The following GLTP variants were observed in gnomAD, a reference collection of about 807,000 sequenced individuals.
GLTP encodes glycolipid transfer protein.
A neutral mutation model predicts 24.0 loss-of-function variants in GLTP; 22 were observed. The observed-to-expected ratio is 0.92, with a 90% CI of 0.65 to 1.31. GLTP has a LOEUF of 1.31. Among genes scored for constraint, GLTP ranks in the 50% most tolerant of loss-of-function variants. GLTP has a pLI of 0.00. For synonymous variants in GLTP, 92 were observed against 115.9 expected, an observed-to-expected ratio of 0.79 and a Z score of 1.33; for missense variants, 224 against 276.6, an observed-to-expected ratio of 0.81 and a Z score of 1.35.
intron 1 of GLTP, among the ~76,000 whole-genome samples, 186 bp from the exon 2 acceptor site, chr12:109,858,927 T>C (rs1163167844): frequency 6.6e-6 from 1 of 152,248 alleles, no homozygotes; most frequent in East Asian, 1.9e-4. Context: ...CTCAGCTTCC[T>C]GTTTCCTATC....
At chr12:109,869,558 C>T (rs937615868) in intron 1 of GLTP, among the ~76,000 whole-genome samples, 3 of 147,008 alleles carry the variant, frequency 2.0e-5, no homozygotes, top group Non-Finnish European at 3.0e-5. Context: ...CAGGTTCAAG[C>T]GATTCCCCAG....
At chr12:109,878,388 T>G (rs935552955) in intron 1 of GLTP, among the ~76,000 whole-genome samples, 1 of 152,196 alleles carries the variant, frequency 6.6e-6, no homozygotes, top group Non-Finnish European at 1.5e-5. Context: ...TGTAGGATAC[T>G]GAGCAGCTCC....
rs765413912 is a variant in GLTP at position 109,851,229 on chromosome 12, C to T, written c.*1326G>A. 2.0e-5 allele frequency: 3 copies of T among 152,554 alleles called. No homozygotes were observed. The highest frequency in any genetic ancestry group is 4.8e-5 in the African/African-American group (2 of 41,432). 9.5% of individuals were successfully genotyped at this position (152,554 alleles called of 1,614,324 possible). On this transcript the variant is annotated 3_prime_UTR_variant, in exon 5 of 5. Coordinates refer to ENST00000318348, the MANE Select transcript of GLTP (RefSeq NM_016433.4). ...GTTTCTTAGGTTGGAAAATCTGTCCCTGAAGGAAATAATTCTGCAGAAGAA... is the reference window on the plus strand; with the variant it reads ...GTTTCTTAGGTTGGAAAATCTGTCCTTGAAGGAAATAATTCTGCAGAAGAA...
intron 4 of GLTP, among the ~76,000 whole-genome samples, chr12:109,854,072 G>A (rs1892762092): frequency 6.8e-6 from 1 of 147,888 alleles, no homozygotes; most frequent in Non-Finnish European, 1.5e-5. Context: ...AATAAAAGCA[G>A]TAATAGCTAG....
chr12:109,859,604 ATT>A lies in GLTP; in HGVS notation c.104-865_104-864del, dbSNP rs34889804. Among the ~76,000 whole-genome samples the A allele has an allele frequency of 2.7e-3, 404 of 150,674 alleles. 1 individual carries two copies. Among genetic ancestry groups the A allele is most frequent in the Non-Finnish European group, 4.3e-3 (290 of 67,352 alleles). On this transcript the variant is annotated intron_variant, in intron 1 of 4. Transcript: ENST00000318348. ...AATGTGTCTGTTTTTAACAAAAAAG[ATT>A]TTTTTTAAAAAAAAGTACTTAACTT...
In GLTP at chr12:109,857,602, G is replaced by A; in HGVS notation, c.220C>T (p.Leu74=). ...PAKFRTLQNI[L]EVEKEMYGAE... is the part of the protein sequence containing the mutation. Reference sequence around the variant, plus strand: ...CCATACATTTCTTTCTCCACCTCCAGGATGTTCTGCAGGGTCCGGAACTTG... The same window carrying A: ...CCATACATTTCTTTCTCCACCTCCAAGATGTTCTGCAGGGTCCGGAACTTG... Residue 74 remains leucine (L), a synonymous_variant, in exon 3 of 5, where the codon CTG becomes TTG. Transcript: ENST00000318348. This position sits in a 1 kb window ranked among gnomAD's most constrained non-coding sequence, Gnocchi z 4.3. 3 of 1,613,986 alleles carry A rather than the reference G, an allele frequency of 1.9e-6. No homozygotes were observed. The highest frequency in any genetic ancestry group is 2.5e-6 in the Non-Finnish European group (3 of 1,179,864).
At chr12:109,868,117 G>T (rs542234933) in intron 1 of GLTP, among the ~76,000 whole-genome samples, 1 of 152,238 alleles carries the variant, frequency 6.6e-6, no homozygotes, top group African/African-American at 2.4e-5. Context: ...TGATCCTCCA[G>T]CCTCAGTCTC....
At chr12:109,853,716 G>C (rs1892757448) in intron 4 of GLTP, among the ~76,000 whole-genome samples, 2 of 150,984 alleles carry the variant, frequency 1.3e-5, no homozygotes, top group Admixed American at 1.3e-4. Flanking sequence ...TAGGCCATGA[G>C]TTTGATAGGA....
intron 1 of GLTP, among the ~76,000 whole-genome samples, chr12:109,867,205 G>C (rs1045962371): frequency 1.3e-5 from 2 of 151,884 alleles, no homozygotes; most frequent in African/African-American, 4.8e-5. Context: ...CCGGAGTGCA[G>C]TGGAGCAATC....
chr12:109,867,933 A>T (rs1416037813), intron 1 of GLTP, among the ~76,000 whole-genome samples: 1 of 147,542 alleles, frequency 6.8e-6, no homozygotes, highest in Non-Finnish European at 1.5e-5. Context: ...GCCCGCCACC[A>T]CGCCTGGCTA....
intron 1 of GLTP, among the ~76,000 whole-genome samples, chr12:109,864,527 G>A (rs1027238745): frequency 4.6e-5 from 7 of 152,186 alleles, no homozygotes; most frequent in Non-Finnish European, 8.8e-5. Flanking sequence ...TTGGGCTGAA[G>A]CCTGTTTCAA....
chr12:109,872,041 G>T (rs1295865165), intron 1 of GLTP, among the ~76,000 whole-genome samples: 1 of 152,222 alleles, frequency 6.6e-6, no homozygotes, highest in Non-Finnish European at 1.5e-5. Flanking sequence ...TGACCTCAAG[G>T]GCCAGATTTT....
At position 109,880,435 on chromosome 12, in the gene GLTP, C is replaced by G. The variant is rs552094505; in HGVS notation, c.-61G>C. 22 of 702,946 alleles carry G rather than the reference C, an allele frequency of 3.1e-5. 1 individual carries two copies. Among genetic ancestry groups the G allele is most frequent in the Admixed American group, 9.5e-5 (2 of 21,132 alleles). The allele number at this position is 702,946 out of a possible 1,614,324, so 43.5% of individuals were successfully genotyped here. ...CGCCGCGGGCGTCGACACCGCCCCC[C>G]CGGCCGCCGCCGTCAGCGCCGGGGC... On this transcript the variant is annotated 5_prime_UTR_variant, in exon 1 of 5. Transcript: ENST00000318348. The surrounding 1 kb of genome is among the most constrained non-coding windows in gnomAD (Gnocchi z 5.1).
chr12:109,858,697 T>C lies in GLTP; in HGVS notation c.148A>G (p.Ser50Gly). The change falls in exon 2 of 5, where the codon AGC becomes GGC. Residue 50 changes from serine (S) to glycine (G), a missense_variant. Physicochemically the swap from Ser to Gly is moderately conservative, Grantham distance 56. Coordinates refer to ENST00000318348, the MANE Select transcript of GLTP (RefSeq NM_016433.4). Reference protein sequence around the residue: ...PVFTPIKADISGNITKIKAVY... With the variant: ...PVFTPIKADIGGNITKIKAVY... ...CAGGTACATACCGTGATGTTGCCGC[T>C]TATGTCTGCCTTGATGGGAGTAAAC... 3.7e-6 allele frequency: 6 copies of C among 1,613,086 alleles called. No homozygotes were observed. The highest frequency in any genetic ancestry group is 5.1e-6 in the Non-Finnish European group (6 of 1,179,056).
intron 1 of GLTP, among the ~76,000 whole-genome samples, chr12:109,870,497 A>AAATAG: frequency 6.6e-6 from 1 of 152,060 alleles, no homozygotes; most frequent in South Asian, 2.1e-4. Context: ...AAATAAAATA[A>AAATAG]AATAAAAAGA....
chr12:109,853,733 A>C (rs769924195), intron 4 of GLTP, among the ~76,000 whole-genome samples: 5 of 151,510 alleles, frequency 3.3e-5, no homozygotes, highest in Non-Finnish European at 5.9e-5. Context: ...AGGATGAGGA[A>C]AGTATAAATA....
rs1218490016 is a variant in GLTP at position 109,869,456 on chromosome 12, C to CTT, written c.104-10717_104-10716dup. 5.9e-3 allele frequency among the ~76,000 whole-genome samples: 679 copies of CTT among 115,024 alleles called. 26 individuals carry two copies. Among genetic ancestry groups the CTT allele is most frequent in the African/African-American group, 0.012 (373 of 29,952 alleles). 75.5% of individuals were successfully genotyped at this position (115,024 alleles called of 152,430 possible). ...TAAGAATGATGCAGTTGGGAAAATT[C>CTT]TTTTTTTTTTTTTTTTTTGAGACGG... On this transcript the variant is annotated intron_variant, in intron 1 of 4. Transcript: ENST00000318348.
At position 109,851,844 on chromosome 12, in the gene GLTP, C is replaced by T. The variant is rs1592886725; in HGVS notation, c.*711G>A. ...CAAACCCTGACCTCAAGTAATCCAC[C>T]CACCTCTTTTTTTTTTTTTTGAGAC... On this transcript the variant is annotated 3_prime_UTR_variant, in exon 5 of 5. Transcript: ENST00000318348. 1 of 103,502 alleles carries T rather than the reference C, an allele frequency of 9.7e-6. No individual in the cohort carries two copies. Among genetic ancestry groups the T allele is most frequent in the African/African-American group, 5.1e-5 (1 of 19,528 alleles). 6.4% of individuals were successfully genotyped at this position (103,502 alleles called of 1,614,324 possible). A position where few individuals can be genotyped will look rare whatever the true frequency, so the allele number is the denominator to read the frequency against.
Position 109,880,242 on chromosome 12 carries a change from G to T in GLTP, c.103+30C>A. 7.3e-7 allele frequency: 1 copy of T among 1,361,256 alleles called. No homozygotes were observed. The highest frequency in any genetic ancestry group is 1.0e-6 in the Non-Finnish European group (1 of 965,966). The allele number at this position is 1,361,256 out of a possible 1,614,324, so 84.3% of individuals were successfully genotyped here. A position where few individuals can be genotyped will look rare whatever the true frequency, so the allele number is the denominator to read the frequency against. ...AGGATTCGGGTGCGCGTGGGGCTGC[G>T]GGCCGCCTCCCCCCTCCATTCCGGC... On this transcript the variant is annotated intron_variant, in intron 1 of 4. Transcript: ENST00000318348. The surrounding 1 kb of genome is among the most constrained non-coding windows in gnomAD (Gnocchi z 5.1).
Sources: gnomAD v4.1 joint callset for allele counts (sites outside exome capture counted in the v4.1 genomes callset) on GRCh38, gnomAD v4.1.1 for gene constraint, Gnocchi (gnomAD v3.1) non-coding constraint, MANE v1.5 for transcripts, NCBI Gene and HGNC (gene_info 2026-07-23, HGNC 2026-07-21) for gene names.